DCAF7: variants seen among roughly 807,000 people sequenced by gnomAD.
DCAF7 encodes the protein DDB1 and CUL4 associated factor 7.
Under a neutral mutation model 41.2 loss-of-function variants are expected in DCAF7, and 4 were observed. The ratio of observed to expected loss-of-function variants is 0.10; its 90% CI spans 0.05 to 0.22. The LOEUF is 0.22. Ranked by LOEUF, DCAF7 falls within the 10% of genes least tolerant of loss-of-function variation. DCAF7 has a pLI of 1.00. For missense variants in DCAF7, 131 were observed against 443.2 expected (o/e 0.30, Z 6.32); for synonymous variants, 143 against 164.2 (o/e 0.87, Z 0.99).
rs550017086 is a variant in DCAF7 at position 63,584,577 on chromosome 17, G to A, written c.739-634G>A. ...AGATCAAGACCATCCTAGCTAACACGGTGAAACCCCGTCTCTGCTAAAAAA... is the reference window on the plus strand; with the variant it reads ...AGATCAAGACCATCCTAGCTAACACAGTGAAACCCCGTCTCTGCTAAAAAA... On this transcript the variant is annotated intron_variant, in intron 5 of 6. Transcript: ENST00000614556. Among the ~76,000 whole-genome samples, 795 of 151,950 alleles carry A rather than the reference G, an allele frequency of 5.2e-3. 8 individuals carry two copies. Among genetic ancestry groups the A allele is most frequent in the African/African-American group, 0.017 (698 of 41,460 alleles).
chr17:63,558,768 G>A (rs1273256688), intron 1 of DCAF7, among the ~76,000 whole-genome samples: 2 of 152,118 alleles, frequency 1.3e-5, no homozygotes, highest in East Asian at 3.9e-4. Flanking sequence ...AAATACTCCA[G>A]ATTTTTAATA....
intron 1 of DCAF7, among the ~76,000 whole-genome samples, chr17:63,551,173 G>A (rs1168263132): frequency 6.6e-6 from 1 of 152,022 alleles, no homozygotes; most frequent in African/African-American, 2.4e-5. Context: ...TTTCGTTGGT[G>A]GGCGGGGAAG....
intron 1 of DCAF7, among the ~76,000 whole-genome samples, chr17:63,576,134 C>T (rs935568424): frequency 1.2e-4 from 18 of 152,132 alleles, no homozygotes; most frequent in African/African-American, 3.4e-4. Context: ...AAGAGTCAGA[C>T]GTTCATATGT....
intron 1 of DCAF7, among the ~76,000 whole-genome samples, chr17:63,556,357 G>A (rs2033311040): frequency 6.6e-6 from 1 of 151,090 alleles, no homozygotes; most frequent in African/African-American, 2.4e-5. Context: ...ATCACCTGAG[G>A]TCGGGAGTTC....
chr17:63,552,975 C>T (rs763519713), intron 1 of DCAF7, among the ~76,000 whole-genome samples: 2 of 152,182 alleles, frequency 1.3e-5, no homozygotes. Context: ...ATTTTTGTGC[C>T]TCCACCTATC....
At chr17:63,562,352 G>A (rs2033391273) in intron 1 of DCAF7, among the ~76,000 whole-genome samples, 1 of 152,054 alleles carries the variant, frequency 6.6e-6, no homozygotes, top group Non-Finnish European at 1.5e-5. Flanking sequence ...AGTTGATCAG[G>A]AAATTTGTCA....
At chr17:63,566,260 A>G (rs1228827434) in intron 1 of DCAF7, among the ~76,000 whole-genome samples, 5 of 151,764 alleles carry the variant, frequency 3.3e-5, no homozygotes, top group Non-Finnish European at 5.9e-5. Flanking sequence ...AGTCCCAGCT[A>G]CTCGGGAGGC....
intron 3 of DCAF7, 53 bp from the exon 4 acceptor site, chr17:63,579,772 C>T (rs762528964): frequency 2.5e-4 from 366 of 1,451,954 alleles, no homozygotes; most frequent in Non-Finnish European, 3.3e-4. Context: ...AAGAGGGAAG[C>T]TTGCATGAGA....
At chr17:63,577,819 T>C (rs556524274) in intron 1 of DCAF7, among the ~76,000 whole-genome samples, 2 of 152,274 alleles carry the variant, frequency 1.3e-5, no homozygotes, top group South Asian at 4.1e-4. Flanking sequence ...CCCTGGTCAT[T>C]TTCAAATACC....
chr17:63,565,599 G>T (rs2033431763), intron 1 of DCAF7, among the ~76,000 whole-genome samples: 1 of 151,784 alleles, frequency 6.6e-6, no homozygotes, highest in Admixed American at 6.6e-5. Context: ...ATAATAAAAT[G>T]GAGCTTTGTG....
At chr17:63,573,621 T>C (rs1342834683) in intron 1 of DCAF7, among the ~76,000 whole-genome samples, 1 of 151,920 alleles carries the variant, frequency 6.6e-6, no homozygotes, top group Admixed American at 6.6e-5. Flanking sequence ...TCCCAGCTAC[T>C]TGGGAGGCTG....
chr17:63,587,981 A>AT lies in DCAF7; in HGVS notation c.857-1016dup, dbSNP rs1218375088. 1.1e-3 allele frequency among the ~76,000 whole-genome samples: 151 copies of AT among 137,064 alleles called. 1 individual carries two copies. Among genetic ancestry groups the AT allele is most frequent in the African/African-American group, 4.6e-3 (141 of 30,830 alleles). The allele number at this position is 137,064 out of a possible 152,430, so 89.9% of individuals were successfully genotyped here. Reference sequence around the variant, plus strand: ...AGCCTGGGCAACAGAATGAGACTCCATTTAAAAAAAAAAAAAAAAAAAAGT... The same window carrying AT: ...AGCCTGGGCAACAGAATGAGACTCCATTTTAAAAAAAAAAAAAAAAAAAAGT... On this transcript the variant is annotated intron_variant, in intron 6 of 6. Transcript: ENST00000614556.
chr17:63,585,468 A>G (rs2033666895), intron 6 of DCAF7, 140 bp downstream of exon 6: 3 of 731,908 alleles, frequency 4.1e-6, no homozygotes, highest in Non-Finnish European at 4.5e-6. Context: ...GCCTCTCCAC[A>G]CTTGTGAAAT....
rs753175361 is a variant in DCAF7 at position 63,589,183 on chromosome 17, G to T, written c.*11G>T. ...ATACTCAGAGTGTAGTGTTGGTGGCGCTGTGCCCACGAGGCAGGGGCTTTT... is the reference window on the plus strand; with the variant it reads ...ATACTCAGAGTGTAGTGTTGGTGGCTCTGTGCCCACGAGGCAGGGGCTTTT... On this transcript the variant is annotated 3_prime_UTR_variant, in exon 7 of 7. Coordinates refer to ENST00000614556, the MANE Select transcript of DCAF7 (RefSeq NM_005828.5). 5 of 1,611,188 alleles carry T rather than the reference G, an allele frequency of 3.1e-6. No individual in the cohort carries two copies. In the East Asian group the frequency reaches 1.1e-4, roughly 36 times the overall value.
At chr17:63,554,345 G>A (rs1440677017) in intron 1 of DCAF7, among the ~76,000 whole-genome samples, 1 of 152,238 alleles carries the variant, frequency 6.6e-6, no homozygotes, top group African/African-American at 2.4e-5. Context: ...GCACATTCCT[G>A]GGCTCCACCC....
At chr17:63,553,960 T>C (rs2033284882) in intron 1 of DCAF7, among the ~76,000 whole-genome samples, 1 of 152,110 alleles carries the variant, frequency 6.6e-6, no homozygotes, top group Non-Finnish European at 1.5e-5. Context: ...TCTTAGCACT[T>C]TGGGAGGCTG....
At chr17:63,564,331 T>G (rs1598028639) in intron 1 of DCAF7, among the ~76,000 whole-genome samples, 1 of 152,170 alleles carries the variant, frequency 6.6e-6, no homozygotes, top group East Asian at 1.9e-4. Flanking sequence ...TGTTAGAGGA[T>G]ATAATGGTAA....
intron 1 of DCAF7, among the ~76,000 whole-genome samples, chr17:63,574,618 T>C (rs907172850): frequency 2.0e-5 from 3 of 152,196 alleles, no homozygotes; most frequent in African/African-American, 7.2e-5. Context: ...CCAAGATTAA[T>C]GTACAAAAAT....
At chr17:63,584,467 G>GA (rs575528125) in intron 5 of DCAF7, among the ~76,000 whole-genome samples, 123 of 137,590 alleles carry the variant, frequency 8.9e-4, no homozygotes, top group East Asian at 2.2e-3. Flanking sequence ...GACTCCATCT[G>GA]AAAAAAAAAA....
Sources: allele counts gnomAD v4.1 joint callset (sites outside exome capture counted in the v4.1 genomes callset), GRCh38; gene constraint gnomAD v4.1.1; transcripts MANE v1.5; gene names NCBI Gene and HGNC (gene_info 2026-07-23, HGNC 2026-07-21).